The following TMEM44 variants were observed in gnomAD, a reference collection of about 807,000 sequenced individuals.
TMEM44 encodes transmembrane protein 44.
TMEM44 carries 43 observed loss-of-function variants against 47.8 expected under a neutral mutation model. The ratio of observed to expected loss-of-function variants is 0.90; its 90% CI spans 0.70 to 1.16. The LOEUF (loss-of-function observed/expected upper bound fraction) is 1.16. Among genes scored for constraint, TMEM44 ranks in the 50% most tolerant of loss-of-function variants. TMEM44 has a pLI of 0.00. For synonymous variants in TMEM44, 277 were observed against 238.8 expected, an observed-to-expected ratio of 1.16 and a Z score of -1.48; for missense variants, 568 against 555.2, an observed-to-expected ratio of 1.02 and a Z score of -0.23.
At chr3:194,615,786 TC>T in intron 6 of TMEM44, 89 bp from the exon 7 acceptor site, 1 of 1,514,574 alleles carries the variant, frequency 6.6e-7, no homozygotes, top group Non-Finnish European at 9.0e-7. Flanking sequence ...GCCACCCCCC[TC>T]CCCACTCACC....
intron 6 of TMEM44, 71 bp downstream of exon 6, chr3:194,617,028 G>C: frequency 7.1e-7 from 1 of 1,410,410 alleles, no homozygotes; most frequent in South Asian, 1.5e-5. Flanking sequence ...GTGGGGCAGG[G>C]GCAGTGAGAG....
At chr3:194,588,853 C>T (rs1409532344) in intron 9 of TMEM44, among the ~76,000 whole-genome samples, 1 of 152,140 alleles carries the variant, frequency 6.6e-6, no homozygotes, top group Non-Finnish European at 1.5e-5. Context: ...AACAACCACC[C>T]TAAACATAAC....
rs373941155 is a variant in TMEM44 at position 194,604,398 on chromosome 3, G to C, written c.1065C>G (p.Ala355=). 3 of 1,542,074 alleles carry C rather than the reference G, an allele frequency of 1.9e-6. No homozygotes were observed. The change falls in exon 9 of 10, where the codon GCC becomes GCG. Residue 355 remains alanine (A), a synonymous_variant. Transcript: ENST00000347147. Reference sequence around the variant, plus strand: ...GGGGGTCCTGCAGGGACGCATCTCCGGCGCTCGTCTGCCCGTCACCTGGCA... The same window carrying C: ...GGGGGTCCTGCAGGGACGCATCTCCCGCGCTCGTCTGCCCGTCACCTGGCA... ...TRLPGDGQTS[A]GDASLQDPPS... is the part of the protein sequence containing the mutation.
chr3:194,607,624 C>T (rs1714913431), intron 8 of TMEM44, among the ~76,000 whole-genome samples: 1 of 152,128 alleles, frequency 6.6e-6, no homozygotes, highest in Admixed American at 6.6e-5. Context: ...CTGCTCCAGC[C>T]CCCAGTTTCC....
intron 3 of TMEM44, among the ~76,000 whole-genome samples, chr3:194,624,657 A>G (rs1198346770): frequency 6.6e-6 from 1 of 151,904 alleles, no homozygotes; most frequent in Non-Finnish European, 1.5e-5. Flanking sequence ...GGCCTCAAGC[A>G]ATCTTCCCAA....
chr3:194,627,455 C>T (rs1342552140), intron 2 of TMEM44, among the ~76,000 whole-genome samples: 4 of 142,164 alleles, frequency 2.8e-5, no homozygotes, highest in Non-Finnish European at 4.7e-5. Context: ...GTTTGAGGGC[C>T]TACGCTTTTG....
Position 194,588,226 on chromosome 3 carries a change from T to C in TMEM44, c.*303A>G, listed in dbSNP as rs60388701. The C allele has an allele frequency of 0.08, 26,453 of 331,198 alleles. 1,264 individuals are homozygous for C. Among genetic ancestry groups the C allele is most frequent in the African/African-American group, 0.15 (7,031 of 46,650 alleles). The allele number at this position is 331,198 out of a possible 1,614,324, so 20.5% of individuals were successfully genotyped here. ...CGTTCATGGCTGACTCTCAAGGGAA[T>C]GAAGGGAAAAGGAAGAGCGGGTCTG... is the stretch of plus-strand genomic sequence containing the variant. On this transcript the variant is annotated 3_prime_UTR_variant, in exon 10 of 10. Coordinates refer to ENST00000347147, the MANE Select transcript of TMEM44 (RefSeq NM_001011655.3).
chr3:194,617,834 C>A, intron 5 of TMEM44: 1 of 681,466 alleles, frequency 1.5e-6, no homozygotes, highest in Non-Finnish European at 2.7e-6. Context: ...TGGCACCATA[C>A]CCTGGGTGCT....
chr3:194,628,620 C>T (rs973767408), intron 1 of TMEM44, 111 bp from the exon 2 acceptor site: 19 of 1,329,006 alleles, frequency 1.4e-5, no homozygotes, highest in African/African-American at 3.0e-5. Context: ...TCTTTCTGCC[C>T]GAGGTATTTA....
At chr3:194,592,020 C>T (rs923155290) in intron 9 of TMEM44, among the ~76,000 whole-genome samples, 1 of 152,028 alleles carries the variant, frequency 6.6e-6, no homozygotes, top group Admixed American at 6.5e-5. Flanking sequence ...AGATCGAGAC[C>T]ATCCTGGCTA....
chr3:194,617,646 C>T (rs1316050339), intron 5 of TMEM44: 2 of 703,818 alleles, frequency 2.8e-6, no homozygotes, highest in Non-Finnish European at 5.2e-6. Context: ...CATCTCAGTG[C>T]CCAGCACCTG....
At chr3:194,624,863 G>A (rs1317551486) in intron 3 of TMEM44, among the ~76,000 whole-genome samples, 1 of 151,998 alleles carries the variant, frequency 6.6e-6, no homozygotes, top group African/African-American at 2.4e-5. Context: ...ATAGGTGCAT[G>A]CCACCACATC....
intron 8 of TMEM44, among the ~76,000 whole-genome samples, chr3:194,604,901 T>TA (rs1714608563): frequency 6.6e-6 from 1 of 152,218 alleles, no homozygotes; most frequent in African/African-American, 2.4e-5. Flanking sequence ...TGCAGTAAAT[T>TA]ACACTGTACA....
intron 9 of TMEM44, among the ~76,000 whole-genome samples, chr3:194,593,768 C>T (rs1201017397): frequency 1.3e-5 from 2 of 152,144 alleles, no homozygotes; most frequent in African/African-American, 4.8e-5. Context: ...CACATTAAAA[C>T]AAAAGCATGT....
intron 8 of TMEM44, among the ~76,000 whole-genome samples, chr3:194,606,952 CAAAA>C (rs561876150): frequency 1.8e-5 from 2 of 111,788 alleles, no homozygotes; most frequent in African/African-American, 6.7e-5. Flanking sequence ...GACTCTGCCT[CAAAA>C]AAAAAAAGGA....
chr3:194,621,943 C>T (rs142163789), intron 5 of TMEM44, among the ~76,000 whole-genome samples: 1 of 152,344 alleles, frequency 6.6e-6, no homozygotes, highest in African/African-American at 2.4e-5. Flanking sequence ...AACTCCTGAC[C>T]TCAGGTGATC....
At chr3:194,615,474 T>G (rs1048287642) in intron 7 of TMEM44, 95 bp downstream of exon 7, 21 of 1,508,288 alleles carry the variant, frequency 1.4e-5, no homozygotes, top group Middle Eastern at 5.0e-4. Context: ...GCAGGCAGCT[T>G]TCACACGTCC....
intron 9 of TMEM44, among the ~76,000 whole-genome samples, chr3:194,602,987 C>T (rs1184381753): frequency 6.6e-6 from 1 of 152,182 alleles, no homozygotes; most frequent in Non-Finnish European, 1.5e-5. Flanking sequence ...CATTTAACAC[C>T]AAAACAGTTG....
chr3:194,628,284 G>A, intron 2 of TMEM44, 99 bp downstream of exon 2: 1 of 1,465,858 alleles, frequency 6.8e-7, no homozygotes, highest in Non-Finnish European at 9.1e-7. Flanking sequence ...TATGCATGTT[G>A]CAGCAACAAG....
Sources: allele counts gnomAD v4.1 joint callset (sites outside exome capture counted in the v4.1 genomes callset), GRCh38; gene constraint gnomAD v4.1.1; transcripts MANE v1.5; gene names NCBI Gene and HGNC (gene_info 2026-07-23, HGNC 2026-07-21).